The following LIMD1 variants were observed in gnomAD, a reference collection of about 807,000 sequenced individuals.
LIMD1 encodes the protein LIM domain-containing protein 1.
LIMD1 carries 23 observed loss-of-function variants against 58.4 expected under a neutral mutation model. That is an observed-to-expected ratio of 0.39 (90% CI 0.28 to 0.56). LIMD1 has a LOEUF of 0.56. Among genes scored for constraint, LIMD1 ranks in the 20% least tolerant of loss-of-function variants. The pLI is 0.57. For synonymous variants in LIMD1, 334 were observed against 345.5 expected, an observed-to-expected ratio of 0.97 and a Z score of 0.37; for missense variants, 838 against 855.5, an observed-to-expected ratio of 0.98 and a Z score of 0.25.
chr3:45,602,004 G>A (rs1310344336), intron 1 of LIMD1, among the ~76,000 whole-genome samples: 2 of 150,968 alleles, frequency 1.3e-5, no homozygotes, highest in Non-Finnish European at 2.9e-5. Flanking sequence ...GTGCAGTGGC[G>A]CGATCTTGGC....
chr3:45,600,456 G>A (rs1701400253), intron 1 of LIMD1, among the ~76,000 whole-genome samples: 3 of 151,992 alleles, frequency 2.0e-5, no homozygotes, highest in Non-Finnish European at 4.4e-5. Context: ...TGTGGGTTTA[G>A]TAAAATAGGA....
intron 1 of LIMD1, among the ~76,000 whole-genome samples, chr3:45,609,822 G>A (rs1559514241): frequency 6.6e-6 from 1 of 152,180 alleles, no homozygotes; most frequent in African/African-American, 2.4e-5. Flanking sequence ...TGGTAGTGGG[G>A]TTTTTGTCTG....
intron 7 of LIMD1, 78 bp from the exon 8 acceptor site, chr3:45,676,844 T>G: frequency 2.2e-6 from 3 of 1,375,724 alleles, no homozygotes; most frequent in South Asian, 1.2e-5. Context: ...CTCTGCTGAT[T>G]TTGGGGACTG....
In LIMD1 at chr3:45,679,013, C is replaced by T. The variant is rs1223424816; in HGVS notation, c.*1954C>T. 2 of 152,198 alleles carry T rather than the reference C, an allele frequency of 1.3e-5. No homozygotes were observed. The highest frequency in any genetic ancestry group is 4.8e-5 in the African/African-American group (2 of 41,394). 9.4% of individuals were successfully genotyped at this position (152,198 alleles called of 1,614,324 possible). On this transcript the variant is annotated 3_prime_UTR_variant, in exon 8 of 8. Transcript: ENST00000273317. ...TCTCTTCCCATCAAATCATCCAGCT[C>T]AGTGTGGGGCGTGGCAGGGGGGTAA...
At chr3:45,668,137 A>T (rs1697542432) in intron 3 of LIMD1, among the ~76,000 whole-genome samples, 157 bp from the exon 4 acceptor site, 1 of 152,184 alleles carries the variant, frequency 6.6e-6, no homozygotes, top group Non-Finnish European at 1.5e-5. Flanking sequence ...ATATTCTATG[A>T]CTCAGCCCAC....
At chr3:45,602,959 G>A (rs917845721) in intron 1 of LIMD1, among the ~76,000 whole-genome samples, 7 of 151,946 alleles carry the variant, frequency 4.6e-5, no homozygotes, top group African/African-American at 1.7e-4. Context: ...TCCTGCCTCA[G>A]CCTCCTGGAT....
At chr3:45,652,359 CCTT>C (rs1483697836) in intron 2 of LIMD1, among the ~76,000 whole-genome samples, 2 of 152,172 alleles carry the variant, frequency 1.3e-5, no homozygotes, top group Non-Finnish European at 1.5e-5. Context: ...CTTTTAATGT[CCTT>C]CTCTGCTAAT....
chr3:45,623,996 G>A (rs922589895), intron 1 of LIMD1, among the ~76,000 whole-genome samples: 1 of 152,194 alleles, frequency 6.6e-6, no homozygotes, highest in African/African-American at 2.4e-5. Flanking sequence ...AGTGGCTGGG[G>A]GAAGACTGTT....
At chr3:45,616,158 C>G (rs1451239937) in intron 1 of LIMD1, among the ~76,000 whole-genome samples, 4 of 152,150 alleles carry the variant, frequency 2.6e-5, no homozygotes, top group Non-Finnish European at 5.9e-5. Context: ...GCAGGAATGG[C>G]TGGGTTCTAT....
chr3:45,611,664 G>A (rs1701523555), intron 1 of LIMD1, among the ~76,000 whole-genome samples: 1 of 152,170 alleles, frequency 6.6e-6, no homozygotes, highest in Non-Finnish European at 1.5e-5. Flanking sequence ...ATAAGCCTGT[G>A]GCCAATGCAG....
chr3:45,631,433 C>T (rs9311374), intron 1 of LIMD1, among the ~76,000 whole-genome samples: 5,822 of 152,194 alleles, frequency 0.038, 364 homozygotes, highest in African/African-American at 0.13. Flanking sequence ...TCCATTTAGC[C>T]ACAAGGATGA....
chr3:45,598,328 T>A (rs1447737629), intron 1 of LIMD1, among the ~76,000 whole-genome samples: 1 of 152,244 alleles, frequency 6.6e-6, no homozygotes, highest in Non-Finnish European at 1.5e-5. Flanking sequence ...ATTCCCACAT[T>A]TGGGAGTAAT....
chr3:45,668,376 A>T lies in LIMD1; in HGVS notation c.1641+20A>T. The T allele has an allele frequency of 6.3e-7, 1 of 1,595,514 alleles. No homozygotes were observed. Among genetic ancestry groups the T allele is most frequent in the Non-Finnish European group, 8.6e-7 (1 of 1,164,128 alleles). ...GACATGGTGAGTAGGTCAGCCAAAGAAGAGAACAGCATCTCAGGTGGAGGA... is the reference window on the plus strand; with the variant it reads ...GACATGGTGAGTAGGTCAGCCAAAGTAGAGAACAGCATCTCAGGTGGAGGA... On this transcript the variant is annotated intron_variant, in intron 4 of 7. Coordinates refer to ENST00000273317, the MANE Select transcript of LIMD1 (RefSeq NM_014240.3).
At chr3:45,654,633 A>G (rs1702007745) in intron 2 of LIMD1, among the ~76,000 whole-genome samples, 1 of 151,854 alleles carries the variant, frequency 6.6e-6, no homozygotes, top group African/African-American at 2.4e-5. Context: ...GTTTGAGACC[A>G]GCCTGGGCAA....
At chr3:45,636,925 G>A (rs1437934199) in intron 2 of LIMD1, among the ~76,000 whole-genome samples, 1 of 152,188 alleles carries the variant, frequency 6.6e-6, no homozygotes, top group East Asian at 1.9e-4. Context: ...ACCAAGTTAT[G>A]GATTTTGCTT....
chr3:45,601,542 G>A lies in LIMD1; in HGVS notation c.1408+5255G>A, dbSNP rs541972317. ...CCCCTTCCTGGGGGCAGGTAGGAGC[G>A]GGTGACTTGGGCATTATGGTTCTAG... On this transcript the variant is annotated intron_variant, in intron 1 of 7. Coordinates refer to ENST00000273317, the MANE Select transcript of LIMD1 (RefSeq NM_014240.3). 7.9e-4 allele frequency among the ~76,000 whole-genome samples: 120 copies of A among 152,332 alleles called. 1 individual carries two copies. Among genetic ancestry groups the A allele is most frequent in the African/African-American group, 2.8e-3 (115 of 41,576 alleles).
At chr3:45,619,609 G>A (rs1403668836) in intron 1 of LIMD1, among the ~76,000 whole-genome samples, 1 of 152,086 alleles carries the variant, frequency 6.6e-6, no homozygotes, top group Non-Finnish European at 1.5e-5. Context: ...GACCAGCCTG[G>A]CCAACATGGT....
intron 1 of LIMD1, among the ~76,000 whole-genome samples, chr3:45,606,253 A>G (rs1008216233): frequency 2.6e-5 from 4 of 152,208 alleles, no homozygotes; most frequent in African/African-American, 9.7e-5. Flanking sequence ...ATCTTTGCTG[A>G]GTCTGGCTGC....
chr3:45,635,388 G>A (rs149066787), intron 1 of LIMD1, among the ~76,000 whole-genome samples: 2 of 151,986 alleles, frequency 1.3e-5, no homozygotes, highest in African/African-American at 4.8e-5. Flanking sequence ...AAGGGCAGGA[G>A]TAGAATGTAC....
Sources: allele counts gnomAD v4.1 joint callset (sites outside exome capture counted in the v4.1 genomes callset), GRCh38; gene constraint gnomAD v4.1.1; transcripts MANE v1.5; gene names NCBI Gene and HGNC (gene_info 2026-07-23, HGNC 2026-07-21).